The following FRMPD4 variants were observed in gnomAD, a reference collection of about 807,000 sequenced individuals.
FRMPD4 encodes FERM and PDZ domain containing 4.
A neutral mutation model predicts 94.1 loss-of-function variants in FRMPD4; 22 were observed. The observed-to-expected ratio is 0.23, with a 90% CI of 0.17 to 0.33. The LOEUF (loss-of-function observed/expected upper bound fraction) is 0.33, where lower values mean the gene tolerates loss of function less well. FRMPD4 is among the 10% of genes least tolerant of loss of function. The pLI, the probability that FRMPD4 is intolerant of heterozygous loss-of-function variation, is 1.00. For synonymous variants in FRMPD4, 631 were observed against 548.6 expected, an observed-to-expected ratio of 1.15 and a Z score of -2.10; for missense variants, 1,111 against 1,339.9, an observed-to-expected ratio of 0.83 and a Z score of 2.67.
At chrX:11,996,814 A>T in intron 3 of FRMPD4, among the ~76,000 whole-genome samples, 1 of 112,014 alleles carries the variant, frequency 8.9e-6, no homozygotes, top group Non-Finnish European at 1.9e-5. Context: ...CCGCCTTTCA[A>T]GGAGATTTCA....
intron 4 of FRMPD4, among the ~76,000 whole-genome samples, chrX:12,629,361 A>G (rs2059375176): frequency 8.9e-6 from 1 of 111,891 alleles, no homozygotes; most frequent in Non-Finnish European, 1.9e-5. Flanking sequence ...TTTGGTGACT[A>G]TTTCAAAATA....
intron 3 of FRMPD4, among the ~76,000 whole-genome samples, chrX:12,064,661 G>A (rs1384139861): frequency 9.0e-6 from 1 of 111,570 alleles, no homozygotes; most frequent in African/African-American, 3.3e-5. Context: ...GTACACTGAG[G>A]GTAATCTGTG....
At chrX:11,922,931 TG>T (rs2054066220) in intron 3 of FRMPD4, among the ~76,000 whole-genome samples, 1 of 112,884 alleles carries the variant, frequency 8.9e-6, no homozygotes, top group African/African-American at 3.2e-5. Context: ...TGGCCTCTCC[TG>T]GGGCCCCAGC....
intron 2 of FRMPD4, among the ~76,000 whole-genome samples, chrX:12,505,385 A>G (rs1177551215): frequency 9.0e-6 from 1 of 111,132 alleles, no homozygotes; most frequent in East Asian, 2.8e-4. Context: ...ACATGGAATC[A>G]CCTTGGAGGC....
intron 1 of FRMPD4, among the ~76,000 whole-genome samples, chrX:12,358,997 CT>C (rs765410209): frequency 1.8e-5 from 2 of 110,867 alleles, no homozygotes; most frequent in Non-Finnish European, 1.9e-5. Context: ...GAAGCACTGT[CT>C]TTTTTTTTAT....
intron 3 of FRMPD4, among the ~76,000 whole-genome samples, chrX:11,906,375 C>T (rs1283104086): frequency 9.1e-6 from 1 of 110,432 alleles, no homozygotes; most frequent in African/African-American, 3.3e-5. Context: ...TCTCGATCTC[C>T]TGACCTTGTG....
intron 3 of FRMPD4, among the ~76,000 whole-genome samples, chrX:11,880,323 C>T (rs2053806596): frequency 9.0e-6 from 1 of 111,608 alleles, no homozygotes; most frequent in African/African-American, 3.3e-5. Flanking sequence ...TTTCTCCTAA[C>T]ACAGTGCCTG....
intron 3 of FRMPD4, among the ~76,000 whole-genome samples, chrX:11,954,147 C>T (rs1200862158): frequency 8.9e-6 from 1 of 112,187 alleles, no homozygotes; most frequent in Non-Finnish European, 1.9e-5. Context: ...GTTTGGCCAA[C>T]CTATGTGTTT....
chrX:11,855,772 C>T (rs1033514581), intron 1 of FRMPD4, among the ~76,000 whole-genome samples: 3 of 111,845 alleles, frequency 2.7e-5, no homozygotes, highest in Non-Finnish European at 5.6e-5. Context: ...TCTTCTGAGC[C>T]CTTCAAGTTT....
At chrX:12,300,347 A>T (rs1430176599) in intron 1 of FRMPD4, among the ~76,000 whole-genome samples, 1 of 112,014 alleles carries the variant, frequency 8.9e-6, no homozygotes, top group Non-Finnish European at 1.9e-5. Context: ...TGGCCTATGA[A>T]CAACCAGGGG....
At chrX:12,294,199 G>A (rs958498366) in intron 1 of FRMPD4, among the ~76,000 whole-genome samples, 1 of 111,259 alleles carries the variant, frequency 9.0e-6, no homozygotes, top group South Asian at 3.8e-4. Context: ...CCTGGAGGGT[G>A]TCCCTAGAAC....
At chrX:12,210,779 T>G (rs1490439846) in intron 1 of FRMPD4, among the ~76,000 whole-genome samples, 1 of 110,919 alleles carries the variant, frequency 9.0e-6, no homozygotes, top group Non-Finnish European at 1.9e-5. Context: ...ACCTGCAGTT[T>G]GAATTTAGAT....
intron 3 of FRMPD4, among the ~76,000 whole-genome samples, chrX:12,038,930 G>C (rs959416991): frequency 9.3e-6 from 1 of 107,340 alleles, no homozygotes. Context: ...GATCTTTATG[G>C]TTTCCTTCCT....
At chrX:12,618,694 A>T (rs1272753716) in intron 4 of FRMPD4, among the ~76,000 whole-genome samples, 1 of 111,188 alleles carries the variant, frequency 9.0e-6, no homozygotes, top group Non-Finnish European at 1.9e-5. Context: ...TCACAACCTC[A>T]AAATTTGGTC....
intron 3 of FRMPD4, among the ~76,000 whole-genome samples, chrX:11,960,896 C>T (rs2054280156): frequency 8.9e-6 from 1 of 112,382 alleles, no homozygotes; most frequent in Non-Finnish European, 1.9e-5. Flanking sequence ...GCTTGGCAAT[C>T]AAAACCCTAT....
chrX:12,510,503 C>T (rs1386350367), intron 2 of FRMPD4, among the ~76,000 whole-genome samples: 3 of 111,705 alleles, frequency 2.7e-5, no homozygotes, highest in Non-Finnish European at 5.6e-5. Context: ...AGGATAATGT[C>T]AGCAAGATGG....
chrX:12,653,861 G>A (rs1222108683), intron 4 of FRMPD4, among the ~76,000 whole-genome samples: 3 of 111,960 alleles, frequency 2.7e-5, no homozygotes, highest in Non-Finnish European at 3.8e-5. Context: ...CCCACCTCCC[G>A]GATTCAAGCG....
intron 2 of FRMPD4, among the ~76,000 whole-genome samples, chrX:12,499,333 TGTG>T (rs2057891122): frequency 8.9e-6 from 1 of 112,316 alleles, no homozygotes; most frequent in Admixed American, 9.4e-5. Context: ...TTTTGTTAAT[TGTG>T]GTATAGAGAG....
chrX:11,957,132 G>C (rs1042418218), intron 3 of FRMPD4, among the ~76,000 whole-genome samples: 9 of 112,099 alleles, frequency 8.0e-5, no homozygotes, highest in Non-Finnish European at 1.7e-4. Flanking sequence ...GGCAGAACTT[G>C]TTAAAAGATA....
Sources: allele counts gnomAD v4.1 joint callset (sites outside exome capture counted in the v4.1 genomes callset), GRCh38; gene constraint gnomAD v4.1.1; transcripts MANE v1.5; gene names NCBI Gene and HGNC (gene_info 2026-07-23, HGNC 2026-07-21).